Variants in USP32 observed in about 807,000 individuals in gnomAD.
USP32 encodes ubiquitin carboxyl-terminal hydrolase 32.
USP32 carries 59 observed loss-of-function variants against 204.8 expected under a neutral mutation model. The observed-to-expected ratio is 0.29, with a 90% CI of 0.23 to 0.36. The LOEUF (loss-of-function observed/expected upper bound fraction) is 0.36, where lower values mean the gene tolerates loss of function less well. Ranked by LOEUF, USP32 falls within the 10% of genes least tolerant of loss-of-function variation. The pLI, the probability that USP32 is intolerant of heterozygous loss-of-function variation, is 1.00. For synonymous variants in USP32, 517 were observed against 678.4 expected (o/e 0.76, Z 3.70); for missense variants, 1,160 against 1,946.4 (o/e 0.60, Z 7.60).
intron 2 of USP32, among the ~76,000 whole-genome samples, chr17:60,344,128 AT>A (rs1223926673): frequency 1.8e-3 from 231 of 131,144 alleles, no homozygotes; most frequent in Admixed American, 4.2e-3. Context: ...TAAAATTCCT[AT>A]TTTTTTTTTT....
intron 30 of USP32, 34 bp downstream of exon 30, chr17:60,185,426 T>C: frequency 6.5e-7 from 1 of 1,527,488 alleles, no homozygotes; most frequent in Non-Finnish European, 8.9e-7. Flanking sequence ...TTATGCCAGA[T>C]TCCTGCTCTC....
chr17:60,187,707 A>G (rs780370752), intron 29 of USP32, among the ~76,000 whole-genome samples: 11 of 152,268 alleles, frequency 7.2e-5, no homozygotes, highest in Non-Finnish European at 1.5e-4. Context: ...GATAAAAAAC[A>G]TATTTGTGGA....
chr17:60,234,281 T>C (rs1279332597), intron 12 of USP32, among the ~76,000 whole-genome samples: 1 of 151,382 alleles, frequency 6.6e-6, no homozygotes, highest in Non-Finnish European at 1.5e-5. Context: ...GCCCGGCTAA[T>C]TTGTTGTATT....
At chr17:60,292,338 C>A (rs2087300642) in intron 4 of USP32, among the ~76,000 whole-genome samples, 1 of 152,024 alleles carries the variant, frequency 6.6e-6, no homozygotes, top group African/African-American at 2.4e-5. Flanking sequence ...ACAACAAATC[C>A]TTTACTCCTC....
intron 5 of USP32, among the ~76,000 whole-genome samples, chr17:60,279,510 A>G (rs760953687): frequency 2.0e-5 from 3 of 150,272 alleles, no homozygotes; most frequent in Non-Finnish European, 4.4e-5. Context: ...AACCTTATCT[A>G]TATTTCACAA....
At position 60,190,694 on chromosome 17, in the gene USP32, G is replaced by C. The variant is rs1183240207; in HGVS notation, c.3522-11C>G. 1 of 1,584,722 alleles carries C rather than the reference G, an allele frequency of 6.3e-7. No individual in the cohort carries two copies. The highest frequency in any genetic ancestry group is 1.4e-5 in the African/African-American group (1 of 72,700). The stretch of plus-strand genomic sequence containing the variant: ...CAGCCTCTGCAAAATCTAAAAAGGG[G>C]GAAAAGATCCACAGAGGAAGAAATA... On this transcript the variant is annotated splice_polypyrimidine_tract_variant and intron_variant, in intron 28 of 33. Transcript: ENST00000300896.
intron 5 of USP32, among the ~76,000 whole-genome samples, chr17:60,279,049 TACTA>T (rs2086903085): frequency 1.3e-5 from 2 of 152,170 alleles, no homozygotes; most frequent in Non-Finnish European, 2.9e-5. Flanking sequence ...GGAAGAACTG[TACTA>T]ACTTATTTCA....
At chr17:60,223,673 T>C (rs2085313527) in intron 13 of USP32, 87 bp from the exon 14 acceptor site, 6 of 1,118,114 alleles carry the variant, frequency 5.4e-6, no homozygotes, top group Non-Finnish European at 6.3e-6. Flanking sequence ...GCCCATGTAT[T>C]GTATTACTCT....
intron 1 of USP32, among the ~76,000 whole-genome samples, chr17:60,386,701 C>T (rs993289003): frequency 6.6e-6 from 1 of 152,194 alleles, no homozygotes; most frequent in Admixed American, 6.5e-5. Flanking sequence ...GAAAAACAAA[C>T]AAGAGCTGTC....
chr17:60,271,953 A>T (rs2086733826), intron 5 of USP32, among the ~76,000 whole-genome samples: 1 of 152,014 alleles, frequency 6.6e-6, no homozygotes, highest in Non-Finnish European at 1.5e-5. Context: ...CTAGGACTAC[A>T]TGTGTACGCC....
chr17:60,288,822 G>A (rs1598200374), intron 4 of USP32, 140 bp from the exon 5 acceptor site: 2 of 673,430 alleles, frequency 3.0e-6, no homozygotes, highest in East Asian at 2.7e-5. Flanking sequence ...TAACACTGCA[G>A]GGTGTATATA....
intron 3 of USP32, 77 bp from the exon 4 acceptor site, chr17:60,294,878 A>G: frequency 1.1e-6 from 1 of 876,070 alleles, no homozygotes; most frequent in Middle Eastern, 3.5e-4. Flanking sequence ...GAGAAAAGAC[A>G]AAGCTACAAT....
chr17:60,326,018 T>C (rs929614912), intron 2 of USP32, among the ~76,000 whole-genome samples: 1 of 149,800 alleles, frequency 6.7e-6, no homozygotes, highest in South Asian at 2.1e-4. Context: ...AACTAAATGG[T>C]GGTATGTACC....
At chr17:60,279,226 A>G (rs1253072868) in intron 5 of USP32, among the ~76,000 whole-genome samples, 2 of 152,188 alleles carry the variant, frequency 1.3e-5, no homozygotes, top group African/African-American at 4.8e-5. Flanking sequence ...TTGACTGGGC[A>G]CAGTGGCTCA....
intron 11 of USP32, among the ~76,000 whole-genome samples, chr17:60,248,429 C>T (rs2086089583): frequency 6.6e-6 from 1 of 152,160 alleles, no homozygotes; most frequent in Non-Finnish European, 1.5e-5. Flanking sequence ...AACTTTCAGA[C>T]ATTATCTTGT....
intron 11 of USP32, among the ~76,000 whole-genome samples, chr17:60,238,518 AT>A (rs1228726266): frequency 2.6e-5 from 4 of 151,860 alleles, no homozygotes; most frequent in African/African-American, 9.7e-5. Context: ...ATATACAAAA[AT>A]TAGCTGGGCG....
Position 60,321,651 on chromosome 17 carries a change from CACA to C in USP32, c.187-19950_187-19948del, listed in dbSNP as rs1393081594. Among the ~76,000 whole-genome samples, 16 of 152,172 alleles carry C rather than the reference CACA, an allele frequency of 1.1e-4. No individual in the cohort carries two copies. In the East Asian group the frequency reaches 2.9e-3, roughly 28 times the overall value. ...CAAACATTCTTGAAATGAATGGAAA[CACA>C]ACAGTTTAAACATAGTAACAGAAAA... On this transcript the variant is annotated intron_variant, in intron 2 of 33. Transcript: ENST00000300896.
chr17:60,254,609 G>A (rs1567805468), intron 10 of USP32, among the ~76,000 whole-genome samples: 1 of 152,186 alleles, frequency 6.6e-6, no homozygotes, highest in Non-Finnish European at 1.5e-5. Context: ...TGCGGAAGGA[G>A]AATGACCTGA....
intron 5 of USP32, among the ~76,000 whole-genome samples, chr17:60,278,756 G>A (rs1456087853): frequency 6.6e-6 from 1 of 152,186 alleles, no homozygotes; most frequent in Admixed American, 6.5e-5. Flanking sequence ...TCACAACGTA[G>A]ACATTTCAAA....
Sources: allele counts gnomAD v4.1 joint callset (sites outside exome capture counted in the v4.1 genomes callset), GRCh38; gene constraint gnomAD v4.1.1; transcripts MANE v1.5; gene names NCBI Gene and HGNC (gene_info 2026-07-23, HGNC 2026-07-21).